FAM13C: variants seen among roughly 807,000 people sequenced by gnomAD.
FAM13C encodes the protein family with sequence similarity 13 member C.
A neutral mutation model predicts 73.2 loss-of-function variants in FAM13C; 37 were observed. The observed-to-expected ratio is 0.51, with a 90% CI of 0.39 to 0.67. The LOEUF is 0.67. FAM13C is among the 30% of genes least tolerant of loss of function. The probability of loss-of-function intolerance (pLI) is 0.00; values close to 1 mark genes in which losing one functional copy is unlikely to be tolerated. For missense variants in FAM13C, 589 were observed against 715.6 expected (o/e 0.82, Z 2.02); for synonymous variants, 246 against 260.9 (o/e 0.94, Z 0.55).
rs372874249 is a variant in FAM13C at position 59,274,524 on chromosome 10, G to A, written c.593-4415C>T. ...CAGTTTCTATAGATGGCCACTAGAC[G>A]TGTTAGGGAGCTGGAGGGGTGGGAA... On this transcript the variant is annotated intron_variant, in intron 6 of 13. Coordinates refer to ENST00000618804, the MANE Select transcript of FAM13C (RefSeq NM_198215.4). 2.0e-4 allele frequency among the ~76,000 whole-genome samples: 31 copies of A among 152,260 alleles called. No individual in the cohort carries two copies. The South Asian group carries it at 6.0e-3, about 30-fold the overall frequency.
chr10:59,252,775 T>C, intron 12 of FAM13C, 24 bp downstream of exon 12: 1 of 1,610,488 alleles, frequency 6.2e-7, no homozygotes, highest in South Asian at 1.1e-5. Flanking sequence ...AAGAGGAGAC[T>C]CCACACTTAG....
chr10:59,283,475 A>G, intron 5 of FAM13C, 28 bp from the exon 6 acceptor site: 1 of 1,611,916 alleles, frequency 6.2e-7, no homozygotes, highest in Non-Finnish European at 8.5e-7. Context: ...CAGAGCACAG[A>G]TCAGATTCGA....
chr10:59,249,176 G>A (rs989984980), intron 13 of FAM13C, among the ~76,000 whole-genome samples: 26 of 152,134 alleles, frequency 1.7e-4, no homozygotes, highest in African/African-American at 5.3e-4. Flanking sequence ...AGGCCGAGGC[G>A]GGCGGATCAC....
chr10:59,262,324 G>A, intron 10 of FAM13C, 110 bp downstream of exon 10: 3 of 981,216 alleles, frequency 3.1e-6, no homozygotes, highest in Non-Finnish European at 4.5e-6. Context: ...TTTGGAGCCA[G>A]GCTAATAAAA....
chr10:59,279,988 G>A (rs1032991860), intron 6 of FAM13C, among the ~76,000 whole-genome samples: 5 of 152,166 alleles, frequency 3.3e-5, no homozygotes, highest in African/African-American at 1.2e-4. Flanking sequence ...AGGGAAGAGG[G>A]CAAGCTAGCT....
chr10:59,266,725 A>T (rs1352731476), intron 8 of FAM13C, among the ~76,000 whole-genome samples: 2 of 151,908 alleles, frequency 1.3e-5, no homozygotes, highest in African/African-American at 4.8e-5. Context: ...GCTTCAGAAA[A>T]CTCTAGACAA....
chr10:59,247,079 A>G lies in FAM13C; in HGVS notation c.*535T>C, dbSNP rs2133325212. 6.4e-6 allele frequency: 1 copy of G among 156,790 alleles called. No individual in the cohort carries two copies. Among genetic ancestry groups the G allele is most frequent in the East Asian group, 1.9e-4 (1 of 5,390 alleles). The allele number at this position is 156,790 out of a possible 1,614,324, so 9.7% of individuals were successfully genotyped here. Reference sequence around the variant, plus strand: ...AACACAATCTAGTTTATTTTAGGGTACTGAGAGCCTAGCAGACTTAAAGGA... The same window carrying G: ...AACACAATCTAGTTTATTTTAGGGTGCTGAGAGCCTAGCAGACTTAAAGGA... On this transcript the variant is annotated 3_prime_UTR_variant, in exon 14 of 14. Coordinates refer to ENST00000618804, the MANE Select transcript of FAM13C (RefSeq NM_198215.4).
chr10:59,251,560 T>C lies in FAM13C; in HGVS notation c.1634+15A>G, dbSNP rs1056211570. 8.7e-6 allele frequency: 14 copies of C among 1,608,628 alleles called. No individual in the cohort carries two copies. The highest frequency in any genetic ancestry group is 1.2e-5 in the Non-Finnish European group (14 of 1,175,076). On this transcript the variant is annotated intron_variant, in intron 13 of 13. Coordinates refer to ENST00000618804, the MANE Select transcript of FAM13C (RefSeq NM_198215.4). Reference sequence around the variant, plus strand: ...AGGAAGTATTAGCTTTAAAAATCTCTCTGCCGACACATACCTTCCTGTTTG... The same window carrying C: ...AGGAAGTATTAGCTTTAAAAATCTCCCTGCCGACACATACCTTCCTGTTTG...
chr10:59,293,829 G>A (rs1846576757), intron 5 of FAM13C, among the ~76,000 whole-genome samples: 1 of 152,064 alleles, frequency 6.6e-6, no homozygotes, highest in Admixed American at 6.6e-5. Context: ...ACCCAAAGCT[G>A]GATACACATT....
At chr10:59,259,753 A>G (rs1010951612) in intron 10 of FAM13C, among the ~76,000 whole-genome samples, 1 of 152,198 alleles carries the variant, frequency 6.6e-6, no homozygotes, top group Non-Finnish European at 1.5e-5. Flanking sequence ...TGGCATTTAT[A>G]CAGGGTGACT....
At chr10:59,342,278 TAAAA>T (rs1853616595) in intron 3 of FAM13C, among the ~76,000 whole-genome samples, 1 of 151,874 alleles carries the variant, frequency 6.6e-6, no homozygotes, top group African/African-American at 2.4e-5. Flanking sequence ...ACACTAAAAA[TAAAA>T]TAAATAGAGA....
At position 59,362,417 on chromosome 10, in the gene FAM13C, C is replaced by A. The variant is rs137975417; in HGVS notation, c.44G>T (p.Ser15Ile). The A allele has an allele frequency of 1.9e-6, 3 of 1,613,896 alleles. No homozygotes were observed. Among genetic ancestry groups the A allele is most frequent in the South Asian group, 2.2e-5 (2 of 91,012 alleles). The change falls in exon 1 of 14, where the codon AGC (serine) becomes ATC (isoleucine). Residue 15 changes from serine to isoleucine, a missense_variant. Transcript: ENST00000618804. ...CACTTACTCTGTTACAGTGGTGCTG[C>A]TGAAGGAATTATCCTGAAGGCTGAA... Reference protein sequence around the residue: ...FCFSLQDNSFSSTTVTECDED... With the variant: ...FCFSLQDNSFISTTVTECDED...
At chr10:59,356,031 A>G (rs1040671023) in intron 1 of FAM13C, 88 bp from the exon 2 acceptor site, 1 of 1,259,710 alleles carries the variant, frequency 7.9e-7, no homozygotes, top group East Asian at 2.3e-5. Flanking sequence ...CAAGATTACC[A>G]TGGAAAACTA....
intron 13 of FAM13C, among the ~76,000 whole-genome samples, chr10:59,248,758 A>G (rs1480148412): frequency 6.6e-6 from 1 of 151,020 alleles, no homozygotes; most frequent in African/African-American, 2.4e-5. Flanking sequence ...GTAGTGATAA[A>G]GAGATATTTC....
At chr10:59,271,330 G>C (rs1299813003) in intron 6 of FAM13C, among the ~76,000 whole-genome samples, 1 of 152,182 alleles carries the variant, frequency 6.6e-6, no homozygotes, top group Non-Finnish European at 1.5e-5. Flanking sequence ...TTGTTCTCTA[G>C]AGCTTGAAAT....
intron 3 of FAM13C, among the ~76,000 whole-genome samples, chr10:59,337,390 C>T (rs1338270895): frequency 1.3e-5 from 2 of 152,184 alleles, no homozygotes; most frequent in African/African-American, 4.8e-5. Flanking sequence ...GAGAATGTTG[C>T]TGACTGGCTG....
chr10:59,357,499 G>T (rs1855870370), intron 1 of FAM13C, among the ~76,000 whole-genome samples: 1 of 152,180 alleles, frequency 6.6e-6, no homozygotes, highest in Non-Finnish European at 1.5e-5. Context: ...TAAGAGGTCT[G>T]GTCTCTGAAA....
chr10:59,340,043 C>A (rs770055303), intron 3 of FAM13C, among the ~76,000 whole-genome samples: 1 of 152,058 alleles, frequency 6.6e-6, no homozygotes, highest in Non-Finnish European at 1.5e-5. Flanking sequence ...CAAAATAAAC[C>A]AACTTCGAAA....
chr10:59,251,480 T>C (rs1841368748), intron 13 of FAM13C, 95 bp downstream of exon 13: 1 of 1,042,918 alleles, frequency 9.6e-7, no homozygotes, highest in Non-Finnish European at 1.5e-6. Flanking sequence ...ATACATTTTG[T>C]AAAAAGTCAC....
Sources: allele counts gnomAD v4.1 joint callset (sites outside exome capture counted in the v4.1 genomes callset), GRCh38; gene constraint gnomAD v4.1.1; transcripts MANE v1.5; gene names NCBI Gene and HGNC (gene_info 2026-07-23, HGNC 2026-07-21).